Variants in LRRIQ1 observed in about 807,000 individuals in gnomAD.
LRRIQ1 encodes leucine rich repeats and IQ motif containing 1.
LRRIQ1 carries 210 observed loss-of-function variants against 211.9 expected under a neutral mutation model. The observed-to-expected ratio is 0.99, with a 90% CI of 0.89 to 1.11. The LOEUF is 1.11. Among genes scored for constraint, LRRIQ1 ranks in the 50% most tolerant of loss-of-function variants. The pLI, the probability that LRRIQ1 is intolerant of heterozygous loss-of-function variation, is 0.00. For missense variants in LRRIQ1, 2,136 were observed against 1,939.5 expected, an observed-to-expected ratio of 1.10 and a Z score of -1.90; for synonymous variants, 699 against 650.1, an observed-to-expected ratio of 1.08 and a Z score of -1.14.
chr12:85,179,575 A>G (rs964912825), intron 24 of LRRIQ1, among the ~76,000 whole-genome samples: 1 of 151,964 alleles, frequency 6.6e-6, no homozygotes, highest in Admixed American at 6.6e-5. Flanking sequence ...TCATCCTTGT[A>G]CTTTCCTCCC....
At position 85,199,712 on chromosome 12, in the gene LRRIQ1, A is replaced by G. The variant is rs143195679; in HGVS notation, c.4823-29805A>G. Among the ~76,000 whole-genome samples the G allele has an allele frequency of 4.4e-3, 663 of 152,226 alleles. 3 individuals carry two copies. The highest frequency in any genetic ancestry group is 7.1e-3 in the Admixed American group (108 of 15,278). On this transcript the variant is annotated intron_variant, in intron 24 of 26. Transcript: ENST00000393217. Reference sequence around the variant, plus strand: ...CAGGGCAGCAGGATGGAAAGAGTGCAAGCAGGGGAAATACCAGATGCTTAT... The same window carrying G: ...CAGGGCAGCAGGATGGAAAGAGTGCGAGCAGGGGAAATACCAGATGCTTAT...
At position 85,217,506 on chromosome 12, in the gene LRRIQ1, ATATGTG is replaced by A. The variant is rs1420249716; in HGVS notation, c.4823-12009_4823-12004del. ...TATATATATATGTATATATATATAT[ATATGTG>A]TGTGTGTGTGTGTGTGTGTGTGTGT... On this transcript the variant is annotated intron_variant, in intron 24 of 26. Coordinates refer to ENST00000393217, the MANE Select transcript of LRRIQ1 (RefSeq NM_001079910.2). Among the ~76,000 whole-genome samples, 54 of 69,828 alleles carry A rather than the reference ATATGTG, an allele frequency of 7.7e-4. 1 individual carries two copies. Among genetic ancestry groups the A allele is most frequent in the Admixed American group, 4.2e-3 (28 of 6,650 alleles). 45.8% of individuals were successfully genotyped at this position (69,828 alleles called of 152,430 possible).
At chr12:85,060,164 C>T (rs1007811474) in intron 8 of LRRIQ1, among the ~76,000 whole-genome samples, 1 of 151,720 alleles carries the variant, frequency 6.6e-6, no homozygotes, top group Non-Finnish European at 1.5e-5. Context: ...TGGCCCAGGG[C>T]TTCTAATACC....
At chr12:85,134,029 A>G (rs1201304180) in intron 18 of LRRIQ1, among the ~76,000 whole-genome samples, 2 of 152,094 alleles carry the variant, frequency 1.3e-5, no homozygotes, top group African/African-American at 4.8e-5. Flanking sequence ...TCTCAAGACT[A>G]TTGGCAGCAG....
intron 25 of LRRIQ1, among the ~76,000 whole-genome samples, chr12:85,232,357 C>T (rs902226239): frequency 2.6e-5 from 4 of 152,038 alleles, no homozygotes; most frequent in African/African-American, 7.2e-5. Flanking sequence ...ACGACTAAAA[C>T]ATGTAAGCAA....
chr12:85,208,637 A>G (rs1426287123), intron 24 of LRRIQ1, among the ~76,000 whole-genome samples: 1 of 152,140 alleles, frequency 6.6e-6, no homozygotes, highest in Non-Finnish European at 1.5e-5. Context: ...GACCAGTAAA[A>G]TTAGAAAACT....
At chr12:85,159,750 A>G (rs1592903203) in intron 23 of LRRIQ1, among the ~76,000 whole-genome samples, 1 of 89,066 alleles carries the variant, frequency 1.1e-5, no homozygotes, top group South Asian at 2.6e-4. Flanking sequence ...GTTCTTTGAC[A>G]TGTCATTTTT....
At chr12:85,105,349 C>T (rs116511398) in intron 14 of LRRIQ1, among the ~76,000 whole-genome samples, 2 of 152,182 alleles carry the variant, frequency 1.3e-5, no homozygotes, top group Middle Eastern at 6.8e-3. Flanking sequence ...TATGATCCCT[C>T]TCAAATTAAT....
At chr12:85,074,872 G>A (rs1883469231) in intron 11 of LRRIQ1, among the ~76,000 whole-genome samples, 1 of 151,960 alleles carries the variant, frequency 6.6e-6, no homozygotes, top group South Asian at 2.1e-4. Context: ...AGTAAGAATA[G>A]CCAAAGCAAA....
intron 1 of LRRIQ1, among the ~76,000 whole-genome samples, chr12:85,260,940 G>T (rs1181842209): frequency 6.6e-6 from 1 of 152,174 alleles, no homozygotes; most frequent in African/African-American, 2.4e-5. Flanking sequence ...TAATATTTCT[G>T]TTGCTTGAAA....
At chr12:85,124,009 A>G in intron 16 of LRRIQ1, 61 bp from the exon 17 acceptor site, 8 of 1,296,188 alleles carry the variant, frequency 6.2e-6, no homozygotes, top group South Asian at 1.4e-5. Context: ...CAAAACTTGC[A>G]CAAGTTTTAA....
At chr12:85,097,268 C>T (rs752314887) in intron 11 of LRRIQ1, among the ~76,000 whole-genome samples, 1 of 152,136 alleles carries the variant, frequency 6.6e-6, no homozygotes, top group Non-Finnish European at 1.5e-5. Flanking sequence ...CCCCAGGGAA[C>T]TTAGAATCAT....
chr12:85,087,890 TA>T (rs1238027925), intron 11 of LRRIQ1, among the ~76,000 whole-genome samples: 3 of 152,252 alleles, frequency 2.0e-5, no homozygotes, highest in Non-Finnish European at 4.4e-5. Context: ...TCCCATTCTG[TA>T]GGTTTCCTGT....
At chr12:85,225,406 C>T (rs1166025304) in intron 24 of LRRIQ1, among the ~76,000 whole-genome samples, 1 of 152,068 alleles carries the variant, frequency 6.6e-6, no homozygotes, top group Non-Finnish European at 1.5e-5. Flanking sequence ...AAGTAAATGC[C>T]TTTAAATATT....
chr12:85,148,898 C>T (rs370053507), intron 19 of LRRIQ1, among the ~76,000 whole-genome samples: 11 of 151,998 alleles, frequency 7.2e-5, no homozygotes, highest in East Asian at 3.9e-4. Context: ...CTCTAATGAT[C>T]GGTAATGTTG....
rs377638038 is a variant in LRRIQ1, at chr12:85,171,479, G to A, written c.4822+10765G>A. Among the ~76,000 whole-genome samples the A allele has an allele frequency of 1.9e-4, 29 of 152,084 alleles. No individual in the cohort carries two copies. In the East Asian group the frequency reaches 2.3e-3, roughly 12 times the overall value. On this transcript the variant is annotated intron_variant, in intron 24 of 26. Transcript: ENST00000393217. ...ATATCATCATAAAATTGCTAAAATC[G>A]AAGACAAAGACAGAAATTTTAATAA...
At chr12:85,164,584 T>C (rs1298335309) in intron 24 of LRRIQ1, among the ~76,000 whole-genome samples, 1 of 152,198 alleles carries the variant, frequency 6.6e-6, no homozygotes, top group African/African-American at 2.4e-5. Flanking sequence ...TTCTCTTTAT[T>C]CCATTTATTA....
intron 24 of LRRIQ1, among the ~76,000 whole-genome samples, chr12:85,227,894 C>T (rs1035088196): frequency 3.9e-5 from 6 of 152,132 alleles, no homozygotes; most frequent in Non-Finnish European, 7.3e-5. Context: ...TGATCTTTGA[C>T]AAACCTGACA....
chr12:85,099,103 G>A, intron 13 of LRRIQ1, 109 bp downstream of exon 13: 4 of 618,946 alleles, frequency 6.5e-6, no homozygotes, highest in Non-Finnish European at 9.9e-6. Context: ...CAATGAGATT[G>A]CATCAAAATA....
Sources: allele counts gnomAD v4.1 joint callset (sites outside exome capture counted in the v4.1 genomes callset), GRCh38; gene constraint gnomAD v4.1.1; transcripts MANE v1.5; gene names NCBI Gene and HGNC (gene_info 2026-07-23, HGNC 2026-07-21).